Variants in PLCB1 observed in about 807,000 individuals in gnomAD.
The protein encoded by PLCB1 is 1-phosphatidylinositol 4,5-bisphosphate phosphodiesterase beta-1.
Under a neutral mutation model 161.8 loss-of-function variants are expected in PLCB1, and 46 were observed. The ratio of observed to expected loss-of-function variants is 0.28; its 90% CI spans 0.22 to 0.36. The LOEUF (loss-of-function observed/expected upper bound fraction) is 0.36, where lower values mean the gene tolerates loss of function less well. Ranked by LOEUF, PLCB1 falls within the 10% of genes least tolerant of loss-of-function variation. The pLI, the probability that PLCB1 is intolerant of heterozygous loss-of-function variation, is 1.00. For missense variants in PLCB1, 1,016 were observed against 1,472.5 expected, an observed-to-expected ratio of 0.69 and a Z score of 5.07; for synonymous variants, 517 against 503.7, an observed-to-expected ratio of 1.03 and a Z score of -0.35.
intron 3 of PLCB1, among the ~76,000 whole-genome samples, chr20:8,497,417 G>T (rs1386860540): frequency 6.6e-6 from 1 of 152,126 alleles, no homozygotes; most frequent in East Asian, 1.9e-4. Flanking sequence ...CTCATAAGAT[G>T]ATATTTTCAA....
chr20:8,466,445 CA>C (rs1981828092), intron 3 of PLCB1, among the ~76,000 whole-genome samples: 1 of 151,522 alleles, frequency 6.6e-6, no homozygotes, highest in Non-Finnish European at 1.5e-5. Context: ...GCACATTGTG[CA>C]CATGTACCCT....
At chr20:8,336,518 A>C (rs1349291580) in intron 2 of PLCB1, among the ~76,000 whole-genome samples, 1 of 152,290 alleles carries the variant, frequency 6.6e-6, no homozygotes, top group East Asian at 1.9e-4. Context: ...CTCCACATTT[A>C]GTATTCATGC....
intron 3 of PLCB1, among the ~76,000 whole-genome samples, chr20:8,515,889 C>T (rs1984086783): frequency 6.6e-6 from 1 of 152,120 alleles, no homozygotes; most frequent in Non-Finnish European, 1.5e-5. Flanking sequence ...CTAATAAAGA[C>T]ATACCCAAGA....
chr20:8,855,611 G>C (rs1178271441), intron 31 of PLCB1, among the ~76,000 whole-genome samples: 2 of 152,154 alleles, frequency 1.3e-5, no homozygotes, highest in East Asian at 3.9e-4. Flanking sequence ...TCTTCAAATG[G>C]GAGAGAGCAG....
chr20:8,417,784 G>A (rs971114363), intron 3 of PLCB1, among the ~76,000 whole-genome samples: 27 of 152,184 alleles, frequency 1.8e-4, no homozygotes, highest in Admixed American at 1.4e-3. Context: ...AGAGAAAATC[G>A]TCAAATACCA....
intron 23 of PLCB1, among the ~76,000 whole-genome samples, chr20:8,748,554 A>G (rs546761207): frequency 6.6e-5 from 10 of 152,236 alleles, no homozygotes; most frequent in Non-Finnish European, 1.3e-4. Flanking sequence ...GATGAGTACA[A>G]TAACTTCAAT....
intron 3 of PLCB1, among the ~76,000 whole-genome samples, chr20:8,397,946 C>T (rs1158726282): frequency 1.3e-5 from 2 of 151,962 alleles, no homozygotes; most frequent in Non-Finnish European, 2.9e-5. Flanking sequence ...TTTACATATG[C>T]AAAAGTTCAG....
chr20:8,335,477 T>G (rs977442506), intron 2 of PLCB1, among the ~76,000 whole-genome samples: 2 of 152,204 alleles, frequency 1.3e-5, no homozygotes, highest in Non-Finnish European at 2.9e-5. Context: ...ATTTTTATGT[T>G]TTGTGTTGTT....
intron 26 of PLCB1, among the ~76,000 whole-genome samples, chr20:8,771,027 A>C (rs975734971): frequency 6.6e-6 from 1 of 152,204 alleles, no homozygotes; most frequent in Non-Finnish European, 1.5e-5. Context: ...AGAAAGAGAA[A>C]CAACACACAT....
At chr20:8,574,195 G>T (rs1410431454) in intron 3 of PLCB1, among the ~76,000 whole-genome samples, 2 of 152,174 alleles carry the variant, frequency 1.3e-5, no homozygotes, top group Admixed American at 1.3e-4. Flanking sequence ...CTGAAGTCAG[G>T]AGTTCAAGAC....
intron 12 of PLCB1, among the ~76,000 whole-genome samples, chr20:8,710,245 AAGAG>A (rs1354089091): frequency 6.6e-6 from 1 of 152,102 alleles, no homozygotes; most frequent in African/African-American, 2.4e-5. Flanking sequence ...GAGGAGAACT[AAGAG>A]AGAGTGGGGA....
chr20:8,150,159 T>A, intron 1 of PLCB1, 135 bp from the exon 2 acceptor site: 1 of 441,336 alleles, frequency 2.3e-6, no homozygotes, highest in Non-Finnish European at 4.1e-6. Flanking sequence ...ATGCCATGTC[T>A]AATTTCTTTT....
intron 22 of PLCB1, 97 bp downstream of exon 22, chr20:8,740,545 C>A: frequency 1.8e-6 from 1 of 570,418 alleles, no homozygotes; most frequent in Non-Finnish European, 3.0e-6. Flanking sequence ...CTGAACCAAA[C>A]AAAGCAGGAG....
intron 2 of PLCB1, among the ~76,000 whole-genome samples, chr20:8,260,472 C>T (rs1434283592): frequency 6.6e-6 from 1 of 152,016 alleles, no homozygotes; most frequent in Non-Finnish European, 1.5e-5. Flanking sequence ...CTGTGGAGGA[C>T]TTTAGGGAGA....
At chr20:8,283,497 A>C (rs1982975179) in intron 2 of PLCB1, among the ~76,000 whole-genome samples, 1 of 151,388 alleles carries the variant, frequency 6.6e-6, no homozygotes, top group Non-Finnish European at 1.5e-5. Flanking sequence ...CTAACATTCT[A>C]ACAGTCTTTA....
In PLCB1 at chr20:8,384,229, AT is replaced by A. The variant is rs1165222465; in HGVS notation, c.246+12785del. On this transcript the variant is annotated intron_variant, in intron 3 of 31. Transcript: ENST00000338037. ...GAGGCTTTGTTTGTTCCTTTTCATTATTTTTTCTCTAATCTTGTCTGCATGC... is the reference window on the plus strand; with the variant it reads ...GAGGCTTTGTTTGTTCCTTTTCATTATTTTTCTCTAATCTTGTCTGCATGC... Among the ~76,000 whole-genome samples, 4 of 150,736 alleles carry A rather than the reference AT, an allele frequency of 2.7e-5. No homozygotes were observed. In the South Asian group the frequency reaches 8.4e-4, roughly 32 times the overall value.
chr20:8,236,148 T>C (rs971623770), intron 2 of PLCB1, among the ~76,000 whole-genome samples: 1 of 152,168 alleles, frequency 6.6e-6, no homozygotes, highest in African/African-American at 2.4e-5. Context: ...ATTTCAAATA[T>C]AGTGTAAGAC....
intron 2 of PLCB1, among the ~76,000 whole-genome samples, chr20:8,165,265 CATG>C (rs1199824517): frequency 6.6e-6 from 1 of 152,108 alleles, no homozygotes; most frequent in Non-Finnish European, 1.5e-5. Context: ...TTAATGGTAC[CATG>C]ATAATTTCTG....
chr20:8,758,406 C>A (rs1376407149), intron 24 of PLCB1, among the ~76,000 whole-genome samples: 3 of 151,600 alleles, frequency 2.0e-5, no homozygotes, highest in African/African-American at 7.3e-5. Flanking sequence ...CATGGTGAAA[C>A]CCCCATCGCT....
Sources: allele counts gnomAD v4.1 joint callset (sites outside exome capture counted in the v4.1 genomes callset), GRCh38; gene constraint gnomAD v4.1.1; transcripts MANE v1.5; gene names NCBI Gene and HGNC (gene_info 2026-07-23, HGNC 2026-07-21).